MBNL2: variants seen among roughly 807,000 people sequenced by gnomAD.
MBNL2 encodes the protein muscleblind-like protein 2.
A neutral mutation model predicts 41.9 loss-of-function variants in MBNL2; 17 were observed. The ratio of observed to expected loss-of-function variants is 0.41; its 90% CI spans 0.28 to 0.61. The LOEUF (loss-of-function observed/expected upper bound fraction) is 0.61, where lower values mean the gene tolerates loss of function less well. Among genes scored for constraint, MBNL2 ranks in the 20% least tolerant of loss-of-function variants. The pLI is 0.35. For missense variants in MBNL2, 336 were observed against 505.6 expected, an observed-to-expected ratio of 0.66 and a Z score of 3.22; for synonymous variants, 195 against 182.9, an observed-to-expected ratio of 1.07 and a Z score of -0.53.
chr13:97,308,882 A>C (rs893207198), intron 2 of MBNL2, among the ~76,000 whole-genome samples: 20 of 152,186 alleles, frequency 1.3e-4, no homozygotes, highest in South Asian at 8.3e-4. Flanking sequence ...AATGGTCATA[A>C]CCCTTCATTT....
In MBNL2 at chr13:97,262,757, C is replaced by T. The variant is rs536909795; in HGVS notation, c.-604-12875C>T. Among the ~76,000 whole-genome samples, 11 of 151,884 alleles carry T rather than the reference C, an allele frequency of 7.2e-5. 1 individual carries two copies. The highest frequency in any genetic ancestry group is 6.8e-3 in the Middle Eastern group (2 of 294). On this transcript the variant is annotated intron_variant, in intron 1 of 8. Transcript: ENST00000679496. ...GGACCCACATTTTGAAGTCCTCCCT[C>T]GCTTTTTTTTTTAATAATTTTTTTT...
intron 8 of MBNL2, among the ~76,000 whole-genome samples, chr13:97,369,374 C>T (rs894455763): frequency 6.6e-6 from 1 of 152,090 alleles, no homozygotes. Context: ...CTCTGAGATT[C>T]AGTGAACCAA....
intron 4 of MBNL2, 62 bp downstream of exon 4, chr13:97,343,278 T>G (rs1200359984): frequency 4.1e-6 from 5 of 1,222,210 alleles, no homozygotes; most frequent in Non-Finnish European, 3.5e-6. Flanking sequence ...TCTGTGTAAG[T>G]GATTGCTTGT....
intron 5 of MBNL2, among the ~76,000 whole-genome samples, chr13:97,350,865 C>T (rs561123120): frequency 2.2e-4 from 33 of 152,330 alleles, no homozygotes; most frequent in African/African-American, 7.7e-4. Flanking sequence ...TTCTTCCAAA[C>T]TCCTGTTCAT....
intron 1 of MBNL2, among the ~76,000 whole-genome samples, chr13:97,235,129 G>A (rs17301327): frequency 0.033 from 4,987 of 152,250 alleles, 132 homozygotes; most frequent in South Asian, 0.11. Flanking sequence ...TGTAGAGAAG[G>A]CCCAGAGCTT....
chr13:97,290,061 A>T (rs1194768117), intron 2 of MBNL2, among the ~76,000 whole-genome samples: 1 of 152,212 alleles, frequency 6.6e-6, no homozygotes, highest in Non-Finnish European at 1.5e-5. Flanking sequence ...TGTTTCTCCT[A>T]TAAAAGTCTC....
intron 2 of MBNL2, among the ~76,000 whole-genome samples, chr13:97,311,205 G>A (rs1442523047): frequency 6.6e-6 from 1 of 152,206 alleles, no homozygotes; most frequent in Non-Finnish European, 1.5e-5. Context: ...GGGAGGTAGA[G>A]TTAATTGTGG....
At chr13:97,338,744 G>C (rs1450267036) in intron 3 of MBNL2, among the ~76,000 whole-genome samples, 2 of 152,214 alleles carry the variant, frequency 1.3e-5, no homozygotes, top group Non-Finnish European at 2.9e-5. Context: ...GACAAGTCTT[G>C]CATGAGTCTT....
Position 97,365,184 on chromosome 13 carries a change from CT to C in MBNL2, c.1048+19del. The C allele has an allele frequency of 7.0e-6, 11 of 1,580,824 alleles. No homozygotes were observed. Among genetic ancestry groups the C allele is most frequent in the Non-Finnish European group, 9.6e-6 (11 of 1,149,820 alleles). On this transcript the variant is annotated intron_variant, in intron 8 of 8. Coordinates refer to ENST00000679496, the MANE Select transcript of MBNL2 (RefSeq NM_001382683.1). ...GCTACCAGTATTGGTAGGTTTCAAC[CT>C]TTTTTATTTGTCTTTTATATGATGT...
At chr13:97,183,247 C>T in the MBNL2 span, among the ~76,000 whole-genome samples, 1 of 152,172 alleles carries the variant, frequency 6.6e-6, no homozygotes, top group Non-Finnish European at 1.5e-5. Flanking sequence ...TCTATCCCAA[C>T]AATTTAGTCC....
chr13:97,264,097 G>A (rs2049230848), intron 1 of MBNL2, among the ~76,000 whole-genome samples: 1 of 148,668 alleles, frequency 6.7e-6, no homozygotes, highest in South Asian at 2.1e-4. Flanking sequence ...TGCAACCTCT[G>A]CCTCCCGAGT....
At chr13:97,228,373 A>T (rs187956485) in intron 1 of MBNL2, among the ~76,000 whole-genome samples, 1 of 152,284 alleles carries the variant, frequency 6.6e-6, no homozygotes, top group East Asian at 1.9e-4. Context: ...TTGCAGAAAA[A>T]AAAGCTCAAG....
At chr13:97,255,305 T>G (rs571311952) in intron 1 of MBNL2, among the ~76,000 whole-genome samples, 4 of 152,352 alleles carry the variant, frequency 2.6e-5, no homozygotes, top group South Asian at 2.1e-4. Flanking sequence ...TTTGCTCTAA[T>G]ATAAAAAACA....
chr13:97,305,711 G>C (rs2058060604), intron 2 of MBNL2, among the ~76,000 whole-genome samples: 1 of 152,156 alleles, frequency 6.6e-6, no homozygotes, highest in South Asian at 2.1e-4. Context: ...TGAGGCTGCA[G>C]TAAGCCGTGC....
chr13:97,205,052 G>T, the MBNL2 span, among the ~76,000 whole-genome samples: 1 of 151,648 alleles, frequency 6.6e-6, no homozygotes, highest in African/African-American at 2.4e-5. Flanking sequence ...CGCACCTGTA[G>T]TCCAACTACT....
intron 8 of MBNL2, among the ~76,000 whole-genome samples, chr13:97,380,493 AAACC>A (rs199772461): frequency 0.3 from 45,374 of 151,524 alleles, 7,398 homozygotes; most frequent in Middle Eastern, 0.45. Context: ...GACTCTAGCA[AAACC>A]AAACAAACAA....
At chr13:97,283,370 G>A (rs1225194834) in intron 2 of MBNL2, among the ~76,000 whole-genome samples, 1 of 152,060 alleles carries the variant, frequency 6.6e-6, no homozygotes, top group African/African-American at 2.4e-5. Flanking sequence ...CATCTGAATG[G>A]CCCATTGTCA....
At chr13:97,347,342 T>C (rs953151159) in intron 5 of MBNL2, among the ~76,000 whole-genome samples, 1 of 152,114 alleles carries the variant, frequency 6.6e-6, no homozygotes, top group Admixed American at 6.5e-5. Context: ...GGAGATTGAG[T>C]GTGCTCACTT....
In MBNL2 at chr13:97,346,724, T is replaced by C. The variant is rs988850811; in HGVS notation, c.541-80T>C. On this transcript the variant is annotated intron_variant, in intron 4 of 8. Transcript: ENST00000679496. This position sits in a 1 kb window ranked among gnomAD's most constrained non-coding sequence, Gnocchi z 4.2. ...CCATTGAAAGCGAGGCAGCCTCCGCTCCTCCCGCGGTGGCCGGGGCCGCAG... is the reference window on the plus strand; with the variant it reads ...CCATTGAAAGCGAGGCAGCCTCCGCCCCTCCCGCGGTGGCCGGGGCCGCAG... 1.7e-6 allele frequency: 2 copies of C among 1,209,770 alleles called. No homozygotes were observed. Among genetic ancestry groups the C allele is most frequent in the Non-Finnish European group, 2.4e-6 (2 of 849,070 alleles). 74.9% of individuals were successfully genotyped at this position (1,209,770 alleles called of 1,614,324 possible).
Sources: gnomAD v4.1 joint callset for allele counts (sites outside exome capture counted in the v4.1 genomes callset) on GRCh38, gnomAD v4.1.1 for gene constraint, Gnocchi (gnomAD v3.1) non-coding constraint, MANE v1.5 for transcripts, NCBI Gene and HGNC (gene_info 2026-07-23, HGNC 2026-07-21) for gene names.